The following RAB38 variants were observed in gnomAD, a reference collection of about 807,000 sequenced individuals.
RAB38 encodes RAB38, member RAS oncogene family.
In RAB38, 15 loss-of-function variants were observed where a neutral mutation model predicts 18.4. The observed-to-expected ratio is 0.82, with a 90% CI of 0.55 to 1.26. The LOEUF (loss-of-function observed/expected upper bound fraction) is 1.26, where lower values mean the gene tolerates loss of function less well. RAB38 is among the 50% of genes most tolerant of loss of function. RAB38 has a pLI of 0.00. For synonymous variants in RAB38, 101 were observed against 104.4 expected, an observed-to-expected ratio of 0.97 and a Z score of 0.20; for missense variants, 294 against 267.4, an observed-to-expected ratio of 1.10 and a Z score of -0.69.
chr11:87,965,205 G>A, the RAB38 span, among the ~76,000 whole-genome samples: 1 of 151,710 alleles, frequency 6.6e-6, no homozygotes, highest in Non-Finnish European at 1.5e-5. Flanking sequence ...TCAGCAGTGT[G>A]CATAACCTAC....
At chr11:88,088,994 A>G in the RAB38 span, among the ~76,000 whole-genome samples, 2 of 151,942 alleles carry the variant, frequency 1.3e-5, no homozygotes, top group African/African-American at 2.4e-5. Flanking sequence ...AATCCTTCTT[A>G]TAGAGAAAAA....
At chr11:88,044,079 A>G in the RAB38 span, among the ~76,000 whole-genome samples, 1 of 152,126 alleles carries the variant, frequency 6.6e-6, no homozygotes, top group African/African-American at 2.4e-5. Context: ...CTTTTCGGGT[A>G]GAGACAAAGG....
At chr11:88,032,144 T>A in the RAB38 span, among the ~76,000 whole-genome samples, 1 of 152,042 alleles carries the variant, frequency 6.6e-6, no homozygotes, top group East Asian at 1.9e-4. Flanking sequence ...ATTCCCTATT[T>A]AATAAATGGT....
the RAB38 span, among the ~76,000 whole-genome samples, chr11:87,931,452 G>A: frequency 6.6e-6 from 1 of 151,982 alleles, no homozygotes; most frequent in Non-Finnish European, 1.5e-5. Flanking sequence ...TGGGAAATGT[G>A]TCTACTTTTG....
chr11:87,875,801 A>AT, the RAB38 span, among the ~76,000 whole-genome samples: 7 of 151,440 alleles, frequency 4.6e-5, no homozygotes, highest in African/African-American at 1.5e-4. Flanking sequence ...AGTACAGTTG[A>AT]TTTTTTGCAT....
At chr11:88,021,988 A>C in the RAB38 span, among the ~76,000 whole-genome samples, 33 of 152,070 alleles carry the variant, frequency 2.2e-4, no homozygotes, top group Non-Finnish European at 4.4e-5. Flanking sequence ...AATACTTTCA[A>C]ACTCATTCTA....
chr11:87,880,276 CAGTG>C, the RAB38 span, among the ~76,000 whole-genome samples: 1 of 151,772 alleles, frequency 6.6e-6, no homozygotes, highest in Non-Finnish European at 1.5e-5. Context: ...TCTTACAACT[CAGTG>C]AGACTGCAAA....
chr11:88,026,035 G>T, the RAB38 span, among the ~76,000 whole-genome samples: 3 of 151,900 alleles, frequency 2.0e-5, no homozygotes, highest in Non-Finnish European at 2.9e-5. Context: ...CGCGATTTTG[G>T]CTCACTGCAA....
the RAB38 span, among the ~76,000 whole-genome samples, chr11:88,030,150 AG>A: frequency 6.6e-6 from 1 of 152,222 alleles, no homozygotes; most frequent in Non-Finnish European, 1.5e-5. Flanking sequence ...AACGAAATGA[AG>A]GCAGAAATAA....
the RAB38 span, among the ~76,000 whole-genome samples, chr11:87,819,301 C>T: frequency 6.6e-6 from 1 of 152,186 alleles, no homozygotes; most frequent in Non-Finnish European, 1.5e-5. Context: ...ACTCCTTTGG[C>T]TGCAGTAAAT....
chr11:88,033,301 A>G, the RAB38 span, among the ~76,000 whole-genome samples: 10,888 of 151,782 alleles, frequency 0.072, 645 homozygotes, highest in African/African-American at 0.14. Flanking sequence ...TGGGTGCAGC[A>G]CACCAGCATG....
the RAB38 span, among the ~76,000 whole-genome samples, chr11:87,837,138 A>G: frequency 1.3e-5 from 2 of 152,310 alleles, no homozygotes; most frequent in African/African-American, 4.8e-5. Flanking sequence ...AATGGTAGTT[A>G]TTACTATTTT....
downstream of RAB38, among the ~76,000 whole-genome samples, chr11:88,111,334 C>T (rs1194211196): frequency 6.6e-6 from 1 of 151,992 alleles, no homozygotes; most frequent in African/African-American, 2.4e-5. Flanking sequence ...TAGTAGCAAC[C>T]CCATTTCCTT....
chr11:87,854,838 A>T, the RAB38 span, among the ~76,000 whole-genome samples: 2 of 152,154 alleles, frequency 1.3e-5, no homozygotes, highest in African/African-American at 4.8e-5. Flanking sequence ...TCTGTGGCCC[A>T]GGCTGGAGTG....
the RAB38 span, among the ~76,000 whole-genome samples, chr11:87,967,437 T>A: frequency 1.3e-5 from 2 of 152,150 alleles, no homozygotes; most frequent in African/African-American, 4.8e-5. Flanking sequence ...TATATTTTTT[T>A]AAAATAGTGG....
the RAB38 span, among the ~76,000 whole-genome samples, chr11:87,956,365 C>A: frequency 6.6e-6 from 1 of 152,092 alleles, no homozygotes; most frequent in Non-Finnish European, 1.5e-5. Flanking sequence ...ACAAAAATAT[C>A]CTTTAGTCAT....
At chr11:87,906,345 A>T in the RAB38 span, among the ~76,000 whole-genome samples, 6 of 151,902 alleles carry the variant, frequency 3.9e-5, no homozygotes, top group African/African-American at 1.4e-4. Flanking sequence ...AAACTTTTGG[A>T]TGGAGTAAAT....
chr11:88,011,308 A>C, the RAB38 span, among the ~76,000 whole-genome samples: 1 of 152,198 alleles, frequency 6.6e-6, no homozygotes, highest in African/African-American at 2.4e-5. Context: ...ACGTTGTATA[A>C]GATAGGGTTC....
chr11:87,921,451 G>C, the RAB38 span, among the ~76,000 whole-genome samples: 4 of 151,726 alleles, frequency 2.6e-5, no homozygotes, highest in Non-Finnish European at 5.9e-5. Flanking sequence ...GCTAAGCTAT[G>C]ATGTTTAGTA....
Sources: gnomAD v4.1 joint callset for allele counts (sites outside exome capture counted in the v4.1 genomes callset) on GRCh38, gnomAD v4.1.1 for gene constraint, MANE v1.5 for transcripts, NCBI Gene and HGNC (gene_info 2026-07-23, HGNC 2026-07-21) for gene names.